The following SLC25A16 variants were observed in gnomAD, a reference collection of about 807,000 sequenced individuals.
The protein encoded by SLC25A16 is mitochondrial coenzyme A transporter SLC25A16.
A neutral mutation model predicts 41.5 loss-of-function variants in SLC25A16; 39 were observed. That is an observed-to-expected ratio of 0.94 (90% confidence interval 0.73 to 1.23). The LOEUF (loss-of-function observed/expected upper bound fraction) is 1.23. SLC25A16 is among the 50% of genes most tolerant of loss of function. The pLI, the probability that SLC25A16 is intolerant of heterozygous loss-of-function variation, is 0.00. For synonymous variants in SLC25A16, 146 were observed against 147.8 expected (o/e 0.99, Z 0.09); for missense variants, 421 against 426.9 (o/e 0.99, Z 0.12).
chr10:68,521,038 G>A (rs1485678282), intron 1 of SLC25A16, among the ~76,000 whole-genome samples: 1 of 151,886 alleles, frequency 6.6e-6, no homozygotes, highest in Non-Finnish European at 1.5e-5. Flanking sequence ...GGAGGCTGAG[G>A]CAGGAGAATC....
intron 2 of SLC25A16, among the ~76,000 whole-genome samples, chr10:68,511,786 G>T (rs2053067458): frequency 6.6e-6 from 1 of 152,034 alleles, no homozygotes; most frequent in Admixed American, 6.6e-5. Context: ...TCAAATGCTT[G>T]GGATCAAGCA....
intron 3 of SLC25A16, among the ~76,000 whole-genome samples, chr10:68,505,351 GAAAGAAAAGA>G (rs1192392088): frequency 1.3e-5 from 2 of 150,110 alleles, no homozygotes; most frequent in East Asian, 2.0e-4. Flanking sequence ...TCTCAAAAAA[GAAAGAAAAGA>G]AAAGAAAAGA....
At chr10:68,493,246 T>C in intron 5 of SLC25A16, 48 bp from the exon 6 acceptor site, 1 of 1,318,348 alleles carries the variant, frequency 7.6e-7, no homozygotes, top group Middle Eastern at 1.9e-4. Flanking sequence ...GTGCTCATTA[T>C]CATAAACATC....
Position 68,478,430 on chromosome 10 carries a change from G to C in SLC25A16, c.*5002C>G, listed in dbSNP as rs192991471. ...TGTAAAGTGTATGCTTGCTATACAA[G>C]TGTGTCAGGTATTATTGATCCAACT... On this transcript the variant is annotated 3_prime_UTR_variant, in exon 9 of 9. Transcript: ENST00000609923. 9 of 152,276 alleles carry C rather than the reference G, an allele frequency of 5.9e-5. No homozygotes were observed. The allele number at this position is 152,276 out of a possible 1,614,324, so 9.4% of individuals were successfully genotyped here.
At chr10:68,517,291 C>T (rs575218308) in intron 1 of SLC25A16, 1 of 976,158 alleles carries the variant, frequency 1.0e-6, no homozygotes, top group Non-Finnish European at 1.2e-6. Context: ...TTGAAACAAC[C>T]AACTTTTACC....
intron 2 of SLC25A16, among the ~76,000 whole-genome samples, chr10:68,511,860 A>AC (rs1461157367): frequency 8.3e-5 from 12 of 144,846 alleles, no homozygotes; most frequent in African/African-American, 3.0e-4. Flanking sequence ...CATGCATTTA[A>AC]TTTTTTTTTT....
intron 4 of SLC25A16, among the ~76,000 whole-genome samples, chr10:68,500,293 G>T (rs1255056762): frequency 6.6e-6 from 1 of 152,060 alleles, no homozygotes; most frequent in Non-Finnish European, 1.5e-5. Context: ...AATCACAGGA[G>T]AAAAATATAA....
At chr10:68,511,950 G>A (rs1254259220) in intron 2 of SLC25A16, among the ~76,000 whole-genome samples, 1 of 152,030 alleles carries the variant, frequency 6.6e-6, no homozygotes, top group Non-Finnish European at 1.5e-5. Flanking sequence ...TCTACCTCCT[G>A]GGTTCAAGCA....
At chr10:68,507,435 T>G (rs897207045) in intron 2 of SLC25A16, among the ~76,000 whole-genome samples, 5 of 152,048 alleles carry the variant, frequency 3.3e-5, no homozygotes, top group Admixed American at 1.3e-4. Flanking sequence ...CCCAGATACA[T>G]GTGTTTTGTT....
intron 1 of SLC25A16, among the ~76,000 whole-genome samples, chr10:68,525,275 ACAGGC>A (rs1462494058): frequency 6.6e-6 from 1 of 151,972 alleles, no homozygotes; most frequent in African/African-American, 2.4e-5. Flanking sequence ...AGCTGGGATT[ACAGGC>A]GAGTGCCACC....
rs11361421 is a variant in SLC25A16 at position 68,479,817 on chromosome 10, C to CAAAAAAAAAAAAAAA, written c.*3600_*3614dup. Reference sequence around the variant, plus strand: ...TGGGCAACAGAGTGAGGCTCTGTCTCAAAAAAAAAAAAAAAAAAGAAAGAA... The same window carrying CAAAAAAAAAAAAAAA: ...TGGGCAACAGAGTGAGGCTCTGTCTCAAAAAAAAAAAAAAAAAAAAAAAAAAAAAAAAAGAAAGAA... On this transcript the variant is annotated 3_prime_UTR_variant, in exon 9 of 9. Coordinates refer to ENST00000609923, the MANE Select transcript of SLC25A16 (RefSeq NM_152707.4). 1.0e-5 allele frequency: 1 copy of CAAAAAAAAAAAAAAA among 96,306 alleles called. No homozygotes were observed. Among genetic ancestry groups the CAAAAAAAAAAAAAAA allele is most frequent in the Non-Finnish European group, 2.1e-5 (1 of 48,308 alleles). The allele number at this position is 96,306 out of a possible 1,614,324, so 6.0% of individuals were successfully genotyped here.
intron 1 of SLC25A16, chr10:68,517,173 ACCT>A (rs2053174101): frequency 4.9e-6 from 5 of 1,014,380 alleles, no homozygotes; most frequent in Admixed American, 5.8e-5. Context: ...GTTTGAAGTA[ACCT>A]CCTCTTCTTC....
At chr10:68,521,204 T>C (rs553382439) in intron 1 of SLC25A16, among the ~76,000 whole-genome samples, 25 of 151,772 alleles carry the variant, frequency 1.6e-4, no homozygotes, top group Non-Finnish European at 2.8e-4. Flanking sequence ...GCAGTGGGGA[T>C]ACAAAATGGA....
intron 2 of SLC25A16, among the ~76,000 whole-genome samples, chr10:68,509,733 A>ATATCTATCTATCTATATC (rs1241961148): frequency 1.9e-3 from 272 of 145,054 alleles, no homozygotes; most frequent in South Asian, 7.4e-3. Context: ...CTATCTATCT[A>ATATCTATCTATCTATATC]TATATATATC....
In SLC25A16 at chr10:68,509,743, C is replaced by CTATA. The variant is rs199603840; in HGVS notation, c.224-3029_224-3026dup. Among the ~76,000 whole-genome samples, 67 of 144,664 alleles carry CTATA rather than the reference C, an allele frequency of 4.6e-4. No individual in the cohort carries two copies. The South Asian group carries it at 0.011, about 24-fold the overall frequency. The allele number at this position is 144,664 out of a possible 152,430, so 94.9% of individuals were successfully genotyped here. On this transcript the variant is annotated intron_variant, in intron 2 of 8. Coordinates refer to ENST00000609923, the MANE Select transcript of SLC25A16 (RefSeq NM_152707.4). The stretch of plus-strand genomic sequence containing the variant: ...TATATCTATCTATCTATATATATAT[C>CTATA]TATATATATAGATATATAGATATAG...
intron 6 of SLC25A16, 51 bp downstream of exon 6, chr10:68,493,081 G>T (rs1293133222): frequency 6.0e-6 from 6 of 1,001,678 alleles, no homozygotes; most frequent in African/African-American, 1.7e-5. Context: ...AAAAAAAAAG[G>T]TAACAAATTT....
At chr10:68,520,391 T>G (rs1228141697) in intron 1 of SLC25A16, among the ~76,000 whole-genome samples, 2 of 152,124 alleles carry the variant, frequency 1.3e-5, no homozygotes, top group South Asian at 4.1e-4. Context: ...AAATAAACAA[T>G]TGACCCGGGC....
intron 8 of SLC25A16, among the ~76,000 whole-genome samples, chr10:68,484,088 A>G (rs367732861): frequency 6.6e-6 from 1 of 152,248 alleles, no homozygotes; most frequent in South Asian, 2.1e-4. Flanking sequence ...TACAAGCATT[A>G]TGCATCAAAT....
intron 2 of SLC25A16, among the ~76,000 whole-genome samples, chr10:68,514,338 A>T (rs2053122072): frequency 6.6e-6 from 1 of 152,110 alleles, no homozygotes; most frequent in Non-Finnish European, 1.5e-5. Flanking sequence ...CTACTAAAAA[A>T]TACAAAAATT....
Sources: gnomAD v4.1 joint callset for allele counts (sites outside exome capture counted in the v4.1 genomes callset) on GRCh38, gnomAD v4.1.1 for gene constraint, MANE v1.5 for transcripts, NCBI Gene and HGNC (gene_info 2026-07-23, HGNC 2026-07-21) for gene names.